Variants in MYLK4 observed in about 807,000 individuals in gnomAD.
The protein encoded by MYLK4 is caMLCK like.
Under a neutral mutation model 48.1 loss-of-function variants are expected in MYLK4, and 46 were observed. That is an observed-to-expected ratio of 0.96 (90% CI 0.75 to 1.22). The LOEUF (loss-of-function observed/expected upper bound fraction) is 1.22. Among genes scored for constraint, MYLK4 ranks in the 50% most tolerant of loss-of-function variants. MYLK4 has a pLI of 0.00. For synonymous variants in MYLK4, 170 were observed against 180.8 expected (o/e 0.94, Z 0.48); for missense variants, 451 against 486.1 (o/e 0.93, Z 0.68).
chr6:2,690,173 G>A (rs1561842307), intron 3 of MYLK4, among the ~76,000 whole-genome samples: 1 of 152,200 alleles, frequency 6.6e-6, no homozygotes, highest in Non-Finnish European at 1.5e-5. Context: ...TTGCCCTCGG[G>A]AGGTCTTCAT....
chr6:2,689,088 A>C, intron 3 of MYLK4, 132 bp from the exon 4 acceptor site: 1 of 679,050 alleles, frequency 1.5e-6, no homozygotes, highest in Non-Finnish European at 2.6e-6. Context: ...TTGATTCCTA[A>C]TGATCCAGGG....
chr6:2,686,067 C>CA (rs35091208), intron 4 of MYLK4, among the ~76,000 whole-genome samples: 6,583 of 119,082 alleles, frequency 0.055, 227 homozygotes, highest in Middle Eastern at 0.11. Flanking sequence ...GAATCCATCT[C>CA]AAAAAAAAAA....
At chr6:2,765,095 C>T in the MYLK4 span, among the ~76,000 whole-genome samples, 1 of 151,982 alleles carries the variant, frequency 6.6e-6, no homozygotes, top group African/African-American at 2.4e-5. Context: ...GTGGCTCCTC[C>T]CTGCCCTCGC....
chr6:2,705,422 G>C (rs1762449041), intron 2 of MYLK4, among the ~76,000 whole-genome samples: 1 of 152,166 alleles, frequency 6.6e-6, no homozygotes, highest in Non-Finnish European at 1.5e-5. Context: ...AAGCGGGATG[G>C]GGGTATACAG....
At chr6:2,718,246 T>G (rs903809148) in intron 2 of MYLK4, among the ~76,000 whole-genome samples, 1 of 151,286 alleles carries the variant, frequency 6.6e-6, no homozygotes, top group African/African-American at 2.4e-5. Flanking sequence ...AGTGCTGCGG[T>G]CTCCAAACCT....
the MYLK4 span, among the ~76,000 whole-genome samples, chr6:2,760,820 T>C: frequency 6.6e-6 from 1 of 152,100 alleles, no homozygotes; most frequent in Non-Finnish European, 1.5e-5. Context: ...AGGAAATATA[T>C]AAAATGTGTT....
intron 2 of MYLK4, among the ~76,000 whole-genome samples, chr6:2,717,389 T>C (rs1052674383): frequency 1.3e-5 from 2 of 152,188 alleles, no homozygotes; most frequent in South Asian, 2.1e-4. Flanking sequence ...AGAGCAGACA[T>C]GCAGAATGCA....
At chr6:2,696,042 A>C (rs1762048346) in intron 2 of MYLK4, among the ~76,000 whole-genome samples, 1 of 152,254 alleles carries the variant, frequency 6.6e-6, no homozygotes, top group Non-Finnish European at 1.5e-5. Context: ...ATGCAAATTC[A>C]CTTAAAAATA....
At chr6:2,737,195 C>T (rs563997246) in intron 2 of MYLK4, among the ~76,000 whole-genome samples, 1 of 152,338 alleles carries the variant, frequency 6.6e-6, no homozygotes, top group South Asian at 2.1e-4. Context: ...CGCCTGTAGT[C>T]CCAGCTACTC....
Position 2,715,343 on chromosome 6 carries a change from G to A in MYLK4, c.160-22484C>T, listed in dbSNP as rs11961864. ...GATGGATGGTGCTGACGGGCTGCAC[G>A]ACAATGTGAATGTACTTAGCATCAT... On this transcript the variant is annotated intron_variant, in intron 2 of 12. Coordinates refer to ENST00000274643, the MANE Select transcript of MYLK4 (RefSeq NM_001012418.5). Among the ~76,000 whole-genome samples, 294 of 151,998 alleles carry A rather than the reference G, an allele frequency of 1.9e-3. 4 individuals carry two copies. The highest frequency in any genetic ancestry group is 6.9e-3 in the African/African-American group (286 of 41,464).
At chr6:2,680,033 A>T (rs1169825370) in intron 8 of MYLK4, among the ~76,000 whole-genome samples, 188 bp downstream of exon 8, 1 of 152,226 alleles carries the variant, frequency 6.6e-6, no homozygotes, top group Non-Finnish European at 1.5e-5. Flanking sequence ...TTTTTACTGC[A>T]TGCATTATAG....
intron 2 of MYLK4, among the ~76,000 whole-genome samples, chr6:2,723,602 C>G (rs780239855): frequency 1.3e-5 from 2 of 152,238 alleles, no homozygotes; most frequent in Non-Finnish European, 2.9e-5. Context: ...TTCCATATTT[C>G]CTTTTCACTC....
chr6:2,703,727 G>A (rs1762387507), intron 2 of MYLK4, among the ~76,000 whole-genome samples: 1 of 133,508 alleles, frequency 7.5e-6, no homozygotes. Flanking sequence ...CTGGAGTGCA[G>A]TAGCACGATT....
the MYLK4 span, among the ~76,000 whole-genome samples, chr6:2,758,065 G>A: frequency 2.0e-5 from 3 of 152,258 alleles, no homozygotes; most frequent in African/African-American, 7.2e-5. Flanking sequence ...AGATAAAAAT[G>A]GTTGATGCAT....
chr6:2,769,518 C>T, the MYLK4 span, among the ~76,000 whole-genome samples: 19,691 of 151,676 alleles, frequency 0.13, 1,616 homozygotes, highest in East Asian at 0.32. Flanking sequence ...TTTTTTGTAA[C>T]TTTTTAATCA....
chr6:2,683,554 G>A (rs1246210809), intron 6 of MYLK4, among the ~76,000 whole-genome samples: 1 of 151,964 alleles, frequency 6.6e-6, no homozygotes, highest in African/African-American at 2.4e-5. Flanking sequence ...CAAGTAGCTG[G>A]GATTAGAGGC....
chr6:2,692,662 T>A (rs1337564304), intron 3 of MYLK4, 122 bp downstream of exon 3: 5 of 731,610 alleles, frequency 6.8e-6, no homozygotes, highest in Non-Finnish European at 9.9e-6. Context: ...GGGCATTTTT[T>A]TATAAACATC....
the MYLK4 span, chr6:2,770,197 C>G: frequency 6.2e-7 from 1 of 1,614,170 alleles, no homozygotes; most frequent in Non-Finnish European, 8.5e-7. Context: ...CCTTCCAGGT[C>G]AACGCTGCTC....
chr6:2,766,263 C>T, the MYLK4 span: 51 of 1,553,144 alleles, frequency 3.3e-5, no homozygotes, highest in African/African-American at 5.8e-4. Flanking sequence ...CGGGCGCTGG[C>T]TGCCGAGGAG....
Sources: allele counts gnomAD v4.1 joint callset (sites outside exome capture counted in the v4.1 genomes callset), GRCh38; gene constraint gnomAD v4.1.1; transcripts MANE v1.5; gene names NCBI Gene and HGNC (gene_info 2026-07-23, HGNC 2026-07-21).